Variants in GAD2 observed in about 807,000 individuals in gnomAD.
GAD2 encodes 65 kDa glutamic acid decarboxylase.
A neutral mutation model predicts 80.1 loss-of-function variants in GAD2; 22 were observed. The ratio of observed to expected loss-of-function variants is 0.27; its 90% confidence interval spans 0.20 to 0.39. GAD2 has a LOEUF of 0.39. Ranked by LOEUF, GAD2 falls within the 10% of genes least tolerant of loss-of-function variation. GAD2 has a pLI of 1.00. For missense variants in GAD2, 624 were observed against 738.4 expected, an observed-to-expected ratio of 0.85 and a Z score of 1.80; for synonymous variants, 274 against 256.9, an observed-to-expected ratio of 1.07 and a Z score of -0.64.
At chr10:26,287,369 C>G (rs549479546) in intron 13 of GAD2, among the ~76,000 whole-genome samples, 5 of 152,236 alleles carry the variant, frequency 3.3e-5, no homozygotes, top group African/African-American at 1.2e-4. Context: ...ACCTTAATAA[C>G]AGAGAGAGTC....
chr10:26,229,842 T>C, intron 7 of GAD2, 65 bp downstream of exon 7: 1 of 1,174,158 alleles, frequency 8.5e-7, no homozygotes, highest in Non-Finnish European at 1.3e-6. Flanking sequence ...TAAGGAGTGA[T>C]GGCTGGAAAT....
chr10:26,277,270 C>T (rs1845219850), intron 11 of GAD2, among the ~76,000 whole-genome samples: 1 of 152,214 alleles, frequency 6.6e-6, no homozygotes, highest in Admixed American at 6.5e-5. Context: ...CATGGTTTAA[C>T]AGCTGTGGCC....
chr10:26,260,532 G>A (rs371810063), intron 8 of GAD2, among the ~76,000 whole-genome samples: 3 of 152,136 alleles, frequency 2.0e-5, no homozygotes, highest in African/African-American at 7.2e-5. Flanking sequence ...GGAGGCTGAG[G>A]CAGGAGAATC....
intron 7 of GAD2, among the ~76,000 whole-genome samples, chr10:26,236,529 G>A (rs1844674565): frequency 6.6e-6 from 1 of 152,128 alleles, no homozygotes; most frequent in Non-Finnish European, 1.5e-5. Context: ...TGGAACTTCT[G>A]ACCTCAGGTG....
At chr10:26,274,412 G>A (rs1275119144) in intron 11 of GAD2, among the ~76,000 whole-genome samples, 2 of 152,196 alleles carry the variant, frequency 1.3e-5, no homozygotes, top group Non-Finnish European at 2.9e-5. Flanking sequence ...ACAGGCTCTG[G>A]TTCTGAACCA....
chr10:26,285,149 T>C (rs953056682), intron 12 of GAD2, among the ~76,000 whole-genome samples: 15 of 152,276 alleles, frequency 9.9e-5, no homozygotes, highest in African/African-American at 3.6e-4. Context: ...AAATACATCG[T>C]ATTTAATTTT....
intron 13 of GAD2, among the ~76,000 whole-genome samples, chr10:26,291,196 T>A (rs1456242084): frequency 6.6e-6 from 1 of 152,152 alleles, no homozygotes; most frequent in African/African-American, 2.4e-5. Flanking sequence ...GTCCAAAGGA[T>A]CCAGGTTGGA....
chr10:26,292,424 C>T (rs768146374), intron 13 of GAD2, 41 bp from the exon 14 acceptor site: 4 of 1,495,614 alleles, frequency 2.7e-6, no homozygotes, highest in Non-Finnish European at 2.8e-6. Flanking sequence ...TTCCTCCGCA[C>T]TCTTAGCCTG....
intron 3 of GAD2, 121 bp downstream of exon 3, chr10:26,218,112 G>T: frequency 9.4e-7 from 1 of 1,063,300 alleles, no homozygotes; most frequent in South Asian, 1.7e-5. Context: ...GCGGAGGCGG[G>T]ACCTGCCAGA....
intron 8 of GAD2, among the ~76,000 whole-genome samples, chr10:26,263,819 G>A (rs930031098): frequency 2.0e-5 from 3 of 152,204 alleles, no homozygotes; most frequent in Non-Finnish European, 4.4e-5. Flanking sequence ...ACTAGCCAAT[G>A]CTGATAGCAG....
chr10:26,223,604 G>A (rs888447994), intron 4 of GAD2, among the ~76,000 whole-genome samples: 4 of 151,898 alleles, frequency 2.6e-5, no homozygotes, highest in African/African-American at 7.3e-5. Context: ...TATAGGGTCC[G>A]ATTAAAGGAA....
intron 15 of GAD2, among the ~76,000 whole-genome samples, chr10:26,296,932 T>A (rs372112346): frequency 1.3e-5 from 2 of 149,732 alleles, no homozygotes; most frequent in East Asian, 4.0e-4. Flanking sequence ...TTTTTTTTTT[T>A]AAGACAGGGT....
chr10:26,237,401 T>C (rs114911845), intron 7 of GAD2, among the ~76,000 whole-genome samples: 1,870 of 152,118 alleles, frequency 0.012, 45 homozygotes, highest in African/African-American at 0.043. Context: ...GGGATGATGA[T>C]ACCCAGCTCC....
At chr10:26,282,937 T>C (rs1564670667) in intron 12 of GAD2, among the ~76,000 whole-genome samples, 1 of 152,190 alleles carries the variant, frequency 6.6e-6, no homozygotes, top group Admixed American at 6.5e-5. Context: ...TCCAGTCCAA[T>C]GTATTATCAT....
intron 13 of GAD2, among the ~76,000 whole-genome samples, chr10:26,287,750 A>C (rs548137296): frequency 6.6e-6 from 1 of 152,218 alleles, no homozygotes; most frequent in African/African-American, 2.4e-5. Context: ...GGCTCTATCT[A>C]TCAGGATTTT....
chr10:26,228,078 T>C (rs1441773490), intron 6 of GAD2, among the ~76,000 whole-genome samples: 5 of 152,048 alleles, frequency 3.3e-5, no homozygotes, highest in African/African-American at 4.8e-5. Flanking sequence ...GGAAGGAGAG[T>C]AACTCACAAC....
In GAD2 at chr10:26,302,227, G is replaced by A. The variant is rs140937209; in HGVS notation, c.*1266G>A. On this transcript the variant is annotated 3_prime_UTR_variant, in exon 16 of 16. Transcript: ENST00000376261. ...CTCCCACTAGACTCCCTACCACTGG[G>A]ACCCAAAATAGTTACTTTATATTCC... is the stretch of plus-strand genomic sequence containing the variant. The A allele has an allele frequency of 2.6e-4, 39 of 151,912 alleles. 2 individuals are homozygous for A. The highest frequency in any genetic ancestry group is 8.9e-4 in the African/African-American group (37 of 41,406). 9.4% of individuals were successfully genotyped at this position (151,912 alleles called of 1,614,324 possible). A position where few individuals can be genotyped will look rare whatever the true frequency, so the allele number is the denominator to read the frequency against.
At chr10:26,257,127 A>T (rs1456935373) in intron 8 of GAD2, among the ~76,000 whole-genome samples, 1 of 152,164 alleles carries the variant, frequency 6.6e-6, no homozygotes, top group African/African-American at 2.4e-5. Flanking sequence ...TCTGTAATGC[A>T]GCAGTTTAGG....
At chr10:26,299,369 G>A (rs1834306074) in intron 15 of GAD2, among the ~76,000 whole-genome samples, 1 of 152,098 alleles carries the variant, frequency 6.6e-6, no homozygotes, top group African/African-American at 2.4e-5. Context: ...TTTGAACCGG[G>A]TTTCTGACCA....
Sources: allele counts gnomAD v4.1 joint callset (sites outside exome capture counted in the v4.1 genomes callset), GRCh38; gene constraint gnomAD v4.1.1; transcripts MANE v1.5; gene names NCBI Gene and HGNC (gene_info 2026-07-23, HGNC 2026-07-21).